The following MCM7 variants were observed in gnomAD, a reference collection of about 807,000 sequenced individuals.
The protein encoded by MCM7 is DNA replication licensing factor MCM7.
In MCM7, 95 loss-of-function variants were observed where a neutral mutation model predicts 83.5. The observed-to-expected ratio is 1.14, with a 90% CI of 0.96 to 1.35. The LOEUF (loss-of-function observed/expected upper bound fraction) is 1.35. Ranked by LOEUF, MCM7 falls within the 40% of genes most tolerant of loss-of-function variation. MCM7 has a pLI of 0.00. For missense variants in MCM7, 1,087 were observed against 957.4 expected (o/e 1.14, Z -1.79); for synonymous variants, 461 against 352.7 (o/e 1.31, Z -3.44).
chr7:100,098,691 G>A lies in MCM7; in HGVS notation c.607C>T (p.Leu203=). 1 of 1,614,174 alleles carries A rather than the reference G, an allele frequency of 6.2e-7. No individual in the cohort carries two copies. The highest frequency in any genetic ancestry group is 1.3e-5 in the African/African-American group (1 of 75,046). ...QPIQSPTFMP[L]IMCPSQECQT... The stretch of plus-strand genomic sequence containing the variant: ...CACTCCTGGCTTGGGCACATGATCA[G>A]AGGCATGAAAGTGGGAGACTGGATC... Residue 203 remains leucine, a synonymous_variant, in exon 6 of 15, where the codon CTG becomes TTG. Transcript: ENST00000303887.
Position 100,096,149 on chromosome 7 carries a change from CGGCCTGTTGTGTACT to C in MCM7, c.1205_1219del (p.Gln402_Gly406del). On this transcript the variant is annotated inframe_deletion, in exon 11 of 15. Transcript: ENST00000303887. ...CGTAAGCCCCACTCCTGAGGAGCCC[CGGCCTGTTGTGTACT>C]GGCCTGGAAGAGAAGAAATAAGGAA... 1 of 1,606,954 alleles carries C rather than the reference CGGCCTGTTGTGTACT, an allele frequency of 6.2e-7. No individual in the cohort carries two copies. The highest frequency in any genetic ancestry group is 8.5e-7 in the Non-Finnish European group (1 of 1,175,704).
chr7:100,097,495 T>G (rs1430314506), intron 9 of MCM7, 111 bp from the exon 10 acceptor site: 6 of 1,576,856 alleles, frequency 3.8e-6, no homozygotes, highest in South Asian at 3.3e-5. Flanking sequence ...TTCTAAGCCC[T>G]CCCTGTGTCC....
chr7:100,097,979 T>C (rs777957774), intron 7 of MCM7, 31 bp from the exon 8 acceptor site: 8 of 1,601,402 alleles, frequency 5.0e-6, no homozygotes, highest in Non-Finnish European at 6.8e-6. Flanking sequence ...GATACAGATG[T>C]AATCCCTTCA....
chr7:100,099,352 C>T lies in MCM7; in HGVS notation c.328G>A (p.Glu110Lys), dbSNP rs752747070. ...DVYIEHRLMM[E>K]QRSRDPGMVR... ...ATCCCAGGGTCCCGACTCCGCTGCTCCATCATTAGCCGATGCTCAATGTAA... is the reference window on the plus strand; with the variant it reads ...ATCCCAGGGTCCCGACTCCGCTGCTTCATCATTAGCCGATGCTCAATGTAA... Residue 110 changes from glutamate (E) to lysine (K), a missense_variant, in exon 4 of 15, where the codon GAG (glutamate) becomes AAG (lysine). Physicochemically the swap from Glu to Lys is moderately conservative, Grantham distance 56. Transcript: ENST00000303887. The T allele has an allele frequency of 7.4e-6, 12 of 1,612,928 alleles. No homozygotes were observed. The highest frequency in any genetic ancestry group is 1.3e-5 in the African/African-American group (1 of 74,584).
At chr7:100,093,226 C>A (rs115964837) in intron 14 of MCM7, 66 bp downstream of exon 14, 67,483 of 1,593,714 alleles carry the variant, frequency 0.042, 1,519 homozygotes, top group Middle Eastern at 0.053. Context: ...AGAATTGAGG[C>A]CAACCTCAGA....
chr7:100,093,699 G>A (rs1795454878), intron 13 of MCM7: 2 of 682,406 alleles, frequency 2.9e-6, no homozygotes, highest in Non-Finnish European at 5.6e-6. Flanking sequence ...AACGCCACTG[G>A]GCTCCCCAGC....
At chr7:100,094,781 T>C (rs929503483) in intron 12 of MCM7, among the ~76,000 whole-genome samples, 3 of 152,218 alleles carry the variant, frequency 2.0e-5, no homozygotes, top group Admixed American at 2.0e-4. Context: ...TGGGAGCAGG[T>C]GTTTTAAACT....
At position 100,099,661 on chromosome 7, in the gene MCM7, C is replaced by G; in HGVS notation, c.204G>C (p.Glu68Asp). Residue 68 changes from glutamate (E) to aspartate (D), a missense_variant, in exon 3 of 15, where the codon GAG becomes GAC. Physicochemically the swap from Glu to Asp is conservative, Grantham distance 45 (BLOSUM62 2). Transcript: ENST00000303887. The stretch of plus-strand genomic sequence containing the variant: ...AGAGCTTCGCGTAGCGCCTGGCATT[C>G]TCACAAATTGAGTCCACCAACTCGG... Reference protein sequence around the residue: ...DDPELVDSICENARRYAKLFA... With the variant: ...DDPELVDSICDNARRYAKLFA... The G allele has an allele frequency of 6.2e-7, 1 of 1,614,236 alleles. No individual in the cohort carries two copies. Among genetic ancestry groups the G allele is most frequent in the Non-Finnish European group, 8.5e-7 (1 of 1,180,050 alleles).
At chr7:100,100,959 T>C in intron 1 of MCM7, 1 of 1,043,214 alleles carries the variant, frequency 9.6e-7, no homozygotes, top group Non-Finnish European at 1.3e-6. Context: ...AAGACTCTCC[T>C]GAGGTCCTGG....
At chr7:100,094,102 A>G (rs759843678) in intron 13 of MCM7, 71 bp downstream of exon 13, 2 of 1,595,924 alleles carry the variant, frequency 1.3e-6, no homozygotes, top group East Asian at 2.2e-5. Context: ...GGAGGCGGCA[A>G]TGAGAGCACG....
Position 100,095,840 on chromosome 7 carries a change from G to A in MCM7, c.1529C>T (p.Ala510Val). ...SLEQNIQLPAALLSRFDLLWL... is the reference protein window; with the variant it reads ...SLEQNIQLPAVLLSRFDLLWL... ...GAGGAGGTCAAACCGGGAGAGCAGT[G>A]CAGCAGGTAGCTGTATGTTCTGCTC... The change falls in exon 11 of 15, where the codon GCA becomes GTA. Residue 510 changes from alanine (A) to valine (V), a missense_variant. Transcript: ENST00000303887. 3.1e-6 allele frequency: 5 copies of A among 1,611,550 alleles called. No homozygotes were observed. The highest frequency in any genetic ancestry group is 4.2e-6 in the Non-Finnish European group (5 of 1,179,480).
chr7:100,094,439 A>G (rs1183938279), intron 12 of MCM7, 98 bp from the exon 13 acceptor site: 4 of 1,382,622 alleles, frequency 2.9e-6, no homozygotes, highest in Non-Finnish European at 4.0e-6. Flanking sequence ...CCCATTTAAC[A>G]TGGTCCCCTC....
At position 100,099,361 on chromosome 7, in the gene MCM7, G is replaced by C. The variant is rs79616962; in HGVS notation, c.319C>G (p.Leu107Val). 2.0e-4 allele frequency: 327 copies of C among 1,607,390 alleles called. No individual in the cohort carries two copies. The highest frequency in any genetic ancestry group is 2.7e-4 in the Non-Finnish European group (318 of 1,177,114). The change falls in exon 4 of 15, where the codon CTA becomes GTA. Residue 107 changes from leucine to valine, a missense_variant. Transcript: ENST00000303887. ...DVLDVYIEHR[L>V]MMEQRSRDPG... is the part of the protein sequence containing the mutation. ...TCCCGACTCCGCTGCTCCATCATTAGCCGATGCTCAATGTAAACGTCCAGG... is the reference window on the plus strand; with the variant it reads ...TCCCGACTCCGCTGCTCCATCATTACCCGATGCTCAATGTAAACGTCCAGG...
chr7:100,096,892 G>A (rs1481065120), intron 10 of MCM7, among the ~76,000 whole-genome samples: 3 of 152,060 alleles, frequency 2.0e-5, no homozygotes, highest in Non-Finnish European at 2.9e-5. Context: ...CACGAGGTCA[G>A]GATATCGAGA....
chr7:100,098,541 C>T (rs371462420), intron 6 of MCM7, 37 bp downstream of exon 6: 24 of 1,611,776 alleles, frequency 1.5e-5, no homozygotes, highest in Middle Eastern at 1.7e-4. Flanking sequence ...AGTGGACTCC[C>T]GATCCACCTG....
chr7:100,097,576 C>T (rs1320038607), intron 9 of MCM7, 38 bp downstream of exon 9: 5 of 1,612,264 alleles, frequency 3.1e-6, no homozygotes, highest in Non-Finnish European at 4.2e-6. Flanking sequence ...TCCTAAATGA[C>T]TTCATCCACC....
chr7:100,099,321 C>G lies in MCM7; in HGVS notation c.359G>C (p.Arg120Pro), dbSNP rs771556191. The change falls in exon 4 of 15, where the codon CGA (arginine) becomes CCA (proline). Residue 120 changes from arginine (R) to proline (P), a missense_variant. Transcript: ENST00000303887. ...AGCAGGGTACTGGTTCTGGGGGCTT[C>G]GGACCATCCCAGGGTCCCGACTCCG... ...EQRSRDPGMV[R>P]SPQNQYPAEL... 6.2e-7 allele frequency: 1 copy of G among 1,613,410 alleles called. No homozygotes were observed. The highest frequency in any genetic ancestry group is 8.5e-7 in the Non-Finnish European group (1 of 1,179,948).
chr7:100,098,307 C>G lies in MCM7; in HGVS notation c.721-17G>C, dbSNP rs747649856. The G allele has an allele frequency of 1.1e-5, 18 of 1,612,958 alleles. No individual in the cohort carries two copies. In the East Asian group the frequency reaches 2.9e-4, roughly 26 times the overall value. On this transcript the variant is annotated splice_polypyrimidine_tract_variant and intron_variant, in intron 6 of 14. Transcript: ENST00000303887. Reference sequence around the variant, plus strand: ...CTGATCACTCTAGGGGAGGGAAAGGCACATAAGACTAGGAGAAATGGACAA... The same window carrying G: ...CTGATCACTCTAGGGGAGGGAAAGGGACATAAGACTAGGAGAAATGGACAA...
intron 1 of MCM7, chr7:100,100,931 C>G (rs1795979424): frequency 1.8e-5 from 19 of 1,031,364 alleles, no homozygotes; most frequent in Non-Finnish European, 2.1e-5. Flanking sequence ...AAAGCGGGCA[C>G]GGGAGCCCAG....
Sources: allele counts gnomAD v4.1 joint callset (sites outside exome capture counted in the v4.1 genomes callset), GRCh38; gene constraint gnomAD v4.1.1; transcripts MANE v1.5; gene names NCBI Gene and HGNC (gene_info 2026-07-23, HGNC 2026-07-21).